Variants in ZMYM5 observed in about 807,000 individuals in gnomAD.
ZMYM5 encodes the protein zinc finger MYM-type protein 5.
Under a neutral mutation model 61.8 loss-of-function variants are expected in ZMYM5, and 41 were observed. The observed-to-expected ratio is 0.66, with a 90% CI of 0.52 to 0.86. The LOEUF is 0.86. Among genes scored for constraint, ZMYM5 ranks in the 40% least tolerant of loss-of-function variants. The pLI, the probability that ZMYM5 is intolerant of heterozygous loss-of-function variation, is 0.00. For missense variants in ZMYM5, 706 were observed against 786.7 expected (o/e 0.90, Z 1.23); for synonymous variants, 257 against 276.4 (o/e 0.93, Z 0.70).
intron 7 of ZMYM5, 107 bp downstream of exon 7, chr13:19,835,370 T>C: frequency 1.3e-6 from 1 of 797,196 alleles, no homozygotes; most frequent in Non-Finnish European, 1.8e-6. Flanking sequence ...AATGACAGAA[T>C]GGCAAAATGG....
intron 7 of ZMYM5, among the ~76,000 whole-genome samples, chr13:19,833,341 C>G (rs1180802613): frequency 6.6e-6 from 1 of 152,146 alleles, no homozygotes; most frequent in African/African-American, 2.4e-5. Flanking sequence ...GGTCAAGGCT[C>G]ATTTATTTCC....
At chr13:19,858,982 T>C (rs534031588) in intron 2 of ZMYM5, among the ~76,000 whole-genome samples, 4 of 151,932 alleles carry the variant, frequency 2.6e-5, no homozygotes, top group African/African-American at 4.8e-5. Flanking sequence ...GAACATAAGA[T>C]CTAAGTCTTG....
chr13:19,830,510 G>A (rs1321171436), intron 7 of ZMYM5, among the ~76,000 whole-genome samples: 1 of 152,044 alleles, frequency 6.6e-6, no homozygotes, highest in Admixed American at 6.6e-5. Context: ...AAGTACCTGG[G>A]ACTACTGGTA....
At chr13:19,846,724 TA>T (rs1953084732) in intron 4 of ZMYM5, among the ~76,000 whole-genome samples, 1 of 151,606 alleles carries the variant, frequency 6.6e-6, no homozygotes, top group Non-Finnish European at 1.5e-5. Context: ...TTTAAACTAA[TA>T]GACCAGTCTG....
Position 19,851,407 on chromosome 13 carries a change from A to T in ZMYM5, c.534T>A (p.Asn178Lys), listed in dbSNP as rs1324233006. ...GVRPFNPGRM[N>K]VAGDLFQNGE... ...CATTCTGAAATAAGTCTCCTGCCAC[A>T]TTCATTCTACCAGGGTTAAAAGGTC... The change falls in exon 4 of 8, where the codon AAT becomes AAA. Residue 178 changes from asparagine (N) to lysine (K), a missense_variant. Transcript: ENST00000337963. 1 of 1,614,048 alleles carries T rather than the reference A, an allele frequency of 6.2e-7. No individual in the cohort carries two copies. The highest frequency in any genetic ancestry group is 2.2e-5 in the East Asian group (1 of 44,890).
chr13:19,830,165 C>T (rs982313112), intron 7 of ZMYM5, among the ~76,000 whole-genome samples: 1 of 149,408 alleles, frequency 6.7e-6, no homozygotes, highest in African/African-American at 2.5e-5. Flanking sequence ...GATCAAGATT[C>T]TGTCTACATT....
chr13:19,835,793 C>G, intron 6 of ZMYM5, 104 bp from the exon 7 acceptor site: 1 of 801,944 alleles, frequency 1.2e-6, no homozygotes, highest in South Asian at 1.6e-5. Flanking sequence ...AATCCCTAAT[C>G]ATATCTCAGA....
chr13:19,837,337 GC>G, intron 6 of ZMYM5: 1 of 1,117,400 alleles, frequency 8.9e-7, no homozygotes, highest in South Asian at 1.8e-5. Context: ...TAGTTTTCCA[GC>G]CCTTGACCCC....
At chr13:19,837,450 A>G in intron 6 of ZMYM5, 1 of 1,563,510 alleles carries the variant, frequency 6.4e-7, no homozygotes, top group Non-Finnish European at 8.6e-7. Context: ...ATAGAAACAG[A>G]TGTGTACTTT....
intron 4 of ZMYM5, among the ~76,000 whole-genome samples, chr13:19,847,667 G>C (rs983740756): frequency 6.7e-6 from 1 of 149,818 alleles, no homozygotes; most frequent in African/African-American, 2.5e-5. Context: ...CTGTGAGATG[G>C]AGTCTCACTC....
At chr13:19,843,018 G>A (rs1051092450) in intron 4 of ZMYM5, among the ~76,000 whole-genome samples, 2 of 145,810 alleles carry the variant, frequency 1.4e-5, no homozygotes, top group African/African-American at 5.1e-5. Flanking sequence ...GTTTCGCTAT[G>A]TTGCCCAGTC....
At chr13:19,861,556 A>G (rs186118516) in intron 2 of ZMYM5, among the ~76,000 whole-genome samples, 39 of 152,350 alleles carry the variant, frequency 2.6e-4, no homozygotes, top group African/African-American at 9.1e-4. Flanking sequence ...GTAGAAAGCA[A>G]CTAGGGTAAA....
rs142725637 is a variant in ZMYM5, at chr13:19,830,147, C to G, written c.1252-4912G>C. On this transcript the variant is annotated intron_variant, in intron 7 of 7. Coordinates refer to ENST00000337963, the MANE Select transcript of ZMYM5 (RefSeq NM_001142684.2). ...AAAAATCATCCCTGATTGAGAAGCA[C>G]TGGCTTAGATCAAGATTCTGTCTAC... Among the ~76,000 whole-genome samples the G allele has an allele frequency of 4.6e-5, 7 of 151,786 alleles. 1 individual carries two copies. In the East Asian group the frequency reaches 1.4e-3, roughly 29 times the overall value.
At chr13:19,861,039 T>C (rs1374687708) in intron 2 of ZMYM5, among the ~76,000 whole-genome samples, 1 of 151,498 alleles carries the variant, frequency 6.6e-6, no homozygotes, top group African/African-American at 2.4e-5. Context: ...TGGAATGCTA[T>C]GGCACAAACA....
chr13:19,835,712 T>A (rs1186680815), intron 6 of ZMYM5, 23 bp from the exon 7 acceptor site: 3 of 1,360,366 alleles, frequency 2.2e-6, no homozygotes, highest in Non-Finnish European at 3.0e-6. Flanking sequence ...CCAGAATTCA[T>A]TAACTAAGAT....
At chr13:19,830,473 C>G (rs758959936) in intron 7 of ZMYM5, among the ~76,000 whole-genome samples, 13 of 152,112 alleles carry the variant, frequency 8.5e-5, no homozygotes, top group Non-Finnish European at 1.5e-4. Context: ...CTCCTGGGCT[C>G]AAGTGATCCT....
At chr13:19,828,693 G>C (rs9506387) in intron 7 of ZMYM5, among the ~76,000 whole-genome samples, 66,703 of 152,096 alleles carry the variant, frequency 0.44, 17,939 homozygotes, top group East Asian at 0.78. Flanking sequence ...AGTAGAGATA[G>C]GAGTTGAGAA....
rs1049347674 is a variant in ZMYM5, at chr13:19,854,605, G to C, written c.-10-2415C>G. Among the ~76,000 whole-genome samples, 3 of 128,974 alleles carry C rather than the reference G, an allele frequency of 2.3e-5. No homozygotes were observed. In the Admixed American group the frequency reaches 2.8e-4, roughly 12 times the overall value. 84.6% of individuals were successfully genotyped at this position (128,974 alleles called of 152,430 possible). On this transcript the variant is annotated intron_variant, in intron 2 of 7. Coordinates refer to ENST00000337963, the MANE Select transcript of ZMYM5 (RefSeq NM_001142684.2). ...ATTGTGCCACTGCACTCTAGCCTGG[G>C]CAACACAATAAGACTTCGTCTCAAA...
At chr13:19,844,758 A>G (rs1953015259) in intron 4 of ZMYM5, among the ~76,000 whole-genome samples, 1 of 152,128 alleles carries the variant, frequency 6.6e-6, no homozygotes, top group East Asian at 1.9e-4. Context: ...AGCAGCTGGG[A>G]TTACAGGTGG....
Sources: allele counts gnomAD v4.1 joint callset (sites outside exome capture counted in the v4.1 genomes callset), GRCh38; gene constraint gnomAD v4.1.1; transcripts MANE v1.5; gene names NCBI Gene and HGNC (gene_info 2026-07-23, HGNC 2026-07-21).